Variants in SHC4 observed in about 807,000 individuals in gnomAD.
The protein encoded by SHC4 is SHC adaptor protein 4.
In SHC4, 41 loss-of-function variants were observed where a neutral mutation model predicts 69.4. That is an observed-to-expected ratio of 0.59 (90% CI 0.46 to 0.77). The LOEUF is 0.77. SHC4 is among the 30% of genes least tolerant of loss of function. The pLI is 0.00. For missense variants in SHC4, 777 were observed against 783.8 expected, an observed-to-expected ratio of 0.99 and a Z score of 0.10; for synonymous variants, 318 against 299.3, an observed-to-expected ratio of 1.06 and a Z score of -0.64.
At chr15:48,872,043 A>C (rs1044198157) in intron 5 of SHC4, 46 bp downstream of exon 5, 10 of 1,198,490 alleles carry the variant, frequency 8.3e-6, no homozygotes, top group Non-Finnish European at 1.2e-5. Context: ...AAATGTCAAG[A>C]AGTTATTTTA....
At chr15:48,911,180 T>C (rs1900502301) in intron 2 of SHC4, among the ~76,000 whole-genome samples, 1 of 152,196 alleles carries the variant, frequency 6.6e-6, no homozygotes, top group Non-Finnish European at 1.5e-5. Flanking sequence ...TCTCCCACTA[T>C]TATTGTGTTG....
At chr15:48,851,387 G>A in intron 8 of SHC4, 139 bp from the exon 9 acceptor site, 1 of 770,538 alleles carries the variant, frequency 1.3e-6, no homozygotes, top group Non-Finnish European at 2.1e-6. Flanking sequence ...GGTAAGAAAA[G>A]AAAATGGATA....
chr15:48,834,128 C>T (rs751963495), intron 11 of SHC4, among the ~76,000 whole-genome samples: 2 of 152,182 alleles, frequency 1.3e-5, no homozygotes, highest in South Asian at 4.1e-4. Flanking sequence ...CTCTAACTTA[C>T]CTTTCCCAAG....
chr15:48,883,734 G>A lies in SHC4; in HGVS notation c.840+514C>T, dbSNP rs1595744828. Among the ~76,000 whole-genome samples, 3 of 152,092 alleles carry A rather than the reference G, an allele frequency of 2.0e-5. No individual in the cohort carries two copies. The South Asian group carries it at 6.2e-4, about 32-fold the overall frequency. ...ACACCACAGTACCATAAATTATTAA[G>A]GAAGAAAACATTACCTTTTATACAA... is the stretch of plus-strand genomic sequence containing the variant. On this transcript the variant is annotated intron_variant, in intron 4 of 11. Transcript: ENST00000332408.
intron 1 of SHC4, among the ~76,000 whole-genome samples, chr15:48,945,321 G>GAA (rs941370255): frequency 2.3e-5 from 3 of 131,206 alleles, no homozygotes; most frequent in African/African-American, 5.6e-5. Context: ...ATTTCCATCA[G>GAA]AAAAAAAAAA....
chr15:48,878,429 C>T, intron 4 of SHC4: 1 of 1,612,384 alleles, frequency 6.2e-7, no homozygotes, highest in Admixed American at 1.7e-5. Flanking sequence ...TGGGGAGCAG[C>T]CAGGCCAGGT....
chr15:48,826,091 G>C lies in SHC4; in HGVS notation c.1773C>G (p.Gly591=). The C allele has an allele frequency of 6.2e-7, 1 of 1,613,452 alleles. No homozygotes were observed. Among genetic ancestry groups the C allele is most frequent in the Non-Finnish European group, 8.5e-7 (1 of 1,179,820 alleles). The part of the protein sequence containing the change: ...RTKDHVFDNV[G]HLIRYHMDNS... Reference sequence around the variant, plus strand: ...TATCCATATGGTATCTGATAAGGTGGCCGACATTATCAAATACATGATCCT... The same window carrying C: ...TATCCATATGGTATCTGATAAGGTGCCCGACATTATCAAATACATGATCCT... Residue 591 remains glycine, a synonymous_variant, in exon 12 of 12, where the codon GGC becomes GGG. Coordinates refer to ENST00000332408, the MANE Select transcript of SHC4 (RefSeq NM_203349.4).
chr15:48,880,564 G>T (rs1899921272), intron 4 of SHC4, among the ~76,000 whole-genome samples: 1 of 151,900 alleles, frequency 6.6e-6, no homozygotes. Flanking sequence ...CCACAAACTA[G>T]AAGGTTGTGA....
At chr15:48,861,617 G>A (rs1899443867) in intron 6 of SHC4, among the ~76,000 whole-genome samples, 2 of 152,142 alleles carry the variant, frequency 1.3e-5, no homozygotes, top group Non-Finnish European at 2.9e-5. Context: ...TATAAAAAGA[G>A]CCAAGTCACA....
At chr15:48,877,836 T>C (rs150313772) in intron 4 of SHC4, 1 of 202,314 alleles carries the variant, frequency 4.9e-6, no homozygotes, top group East Asian at 1.2e-4. Context: ...GAAGGAGCAT[T>C]AAATGTTACG....
intron 2 of SHC4, among the ~76,000 whole-genome samples, chr15:48,895,381 C>T (rs1192119395): frequency 6.6e-6 from 1 of 152,098 alleles, no homozygotes; most frequent in Non-Finnish European, 1.5e-5. Flanking sequence ...GTCCTAGGCT[C>T]CAGAGACTAG....
chr15:48,832,768 G>C (rs1322636203), intron 11 of SHC4, among the ~76,000 whole-genome samples: 1 of 151,980 alleles, frequency 6.6e-6, no homozygotes, highest in African/African-American at 2.4e-5. Context: ...TTTTTCTGAA[G>C]AATTTCAAAT....
At chr15:48,890,860 AC>A (rs1214297731) in intron 2 of SHC4, 49 bp from the exon 3 acceptor site, 1 of 1,584,860 alleles carries the variant, frequency 6.3e-7, no homozygotes, top group Non-Finnish European at 8.7e-7. Context: ...CTACCTCCAC[AC>A]AGTAAGTGTT....
At position 48,917,522 on chromosome 15, in the gene SHC4, C is replaced by T. The variant is rs536270184; in HGVS notation, c.656+7357G>A. ...TTGTTTTCCTAATGATCTTGTTTCTCTTTACTATCAGTAAAAACCTCCTCT... is the reference window on the plus strand; with the variant it reads ...TTGTTTTCCTAATGATCTTGTTTCTTTTTACTATCAGTAAAAACCTCCTCT... On this transcript the variant is annotated intron_variant, in intron 2 of 11. Transcript: ENST00000332408. Among the ~76,000 whole-genome samples, 127 of 152,182 alleles carry T rather than the reference C, an allele frequency of 8.3e-4. 1 individual carries two copies. The highest frequency in any genetic ancestry group is 2.9e-3 in the African/African-American group (120 of 41,530).
chr15:48,829,604 A>C (rs947196629), intron 11 of SHC4, among the ~76,000 whole-genome samples: 3 of 152,094 alleles, frequency 2.0e-5, no homozygotes, highest in Admixed American at 2.0e-4. Flanking sequence ...TTCACTTTCA[A>C]CCTACGTGTG....
chr15:48,854,700 A>C (rs539462821), intron 8 of SHC4, among the ~76,000 whole-genome samples: 1 of 152,330 alleles, frequency 6.6e-6, no homozygotes, highest in East Asian at 1.9e-4. Context: ...CATTATCCTA[A>C]GTGAATTGAC....
In SHC4 at chr15:48,824,927, T is replaced by TG. The variant is rs912424570; in HGVS notation, c.*1043dup. On this transcript the variant is annotated 3_prime_UTR_variant, in exon 12 of 12. Transcript: ENST00000332408. ...ATCTTTCCAAGTGCTTCATTCAATA[T>TG]GTTTTTTTTTCCTTCTGCATTTTGT... The TG allele has an allele frequency of 8.0e-5, 3 of 37,590 alleles. No individual in the cohort carries two copies. Among genetic ancestry groups the TG allele is most frequent in the Admixed American group, 4.0e-4 (1 of 2,520 alleles). The allele number at this position is 37,590 out of a possible 1,614,324, so 2.3% of individuals were successfully genotyped here.
At chr15:48,909,277 T>C (rs550712692) in intron 2 of SHC4, among the ~76,000 whole-genome samples, 28 of 104,686 alleles carry the variant, frequency 2.7e-4, no homozygotes, top group Admixed American at 6.1e-4. Context: ...TTTTGTTAGG[T>C]ATATTCCTAG....
chr15:48,929,301 ACTT>A (rs1438630139), intron 1 of SHC4, among the ~76,000 whole-genome samples: 1 of 152,196 alleles, frequency 6.6e-6, no homozygotes, highest in East Asian at 1.9e-4. Context: ...AGATGACAAT[ACTT>A]CTCATTCACG....
Sources: gnomAD v4.1 joint callset for allele counts (sites outside exome capture counted in the v4.1 genomes callset) on GRCh38, gnomAD v4.1.1 for gene constraint, MANE v1.5 for transcripts, NCBI Gene and HGNC (gene_info 2026-07-23, HGNC 2026-07-21) for gene names.